Variants in VPS4B observed in about 807,000 individuals in gnomAD.
VPS4B encodes the protein vacuolar protein sorting-associated protein 4B.
A neutral mutation model predicts 56.1 loss-of-function variants in VPS4B; 23 were observed. That is an observed-to-expected ratio of 0.41 (90% CI 0.30 to 0.58). VPS4B has a LOEUF of 0.58. Ranked by LOEUF, VPS4B falls within the 20% of genes least tolerant of loss-of-function variation. The pLI is 0.29. For missense variants in VPS4B, 372 were observed against 531.9 expected (o/e 0.70, Z 2.96); for synonymous variants, 177 against 186.0 (o/e 0.95, Z 0.39).
intron 3 of VPS4B, among the ~76,000 whole-genome samples, chr18:63,409,324 C>T (rs1384042995): frequency 1.3e-5 from 2 of 152,208 alleles, no homozygotes; most frequent in African/African-American, 4.8e-5. Context: ...GTAGCAGCCA[C>T]GAAGCCCCAA....
intron 1 of VPS4B, among the ~76,000 whole-genome samples, chr18:63,421,331 T>C (rs1272074817): frequency 6.6e-6 from 1 of 152,186 alleles, no homozygotes; most frequent in African/African-American, 2.4e-5. Flanking sequence ...AGTTCTTCCA[T>C]TACCTTTGAT....
At chr18:63,399,765 G>T (rs1568085239) in intron 7 of VPS4B, among the ~76,000 whole-genome samples, 1 of 151,650 alleles carries the variant, frequency 6.6e-6, no homozygotes, top group Non-Finnish European at 1.5e-5. Flanking sequence ...ATGGCAAAAT[G>T]AAACAGTTTG....
At chr18:63,404,182 G>C (rs1915868893) in intron 4 of VPS4B, among the ~76,000 whole-genome samples, 1 of 152,046 alleles carries the variant, frequency 6.6e-6, no homozygotes, top group African/African-American at 2.4e-5. Context: ...CGTTCCATAA[G>C]GTGGTTATAT....
rs1916070510 is a variant in VPS4B, at chr18:63,412,692, CTTATT to C, written c.28-1119_28-1115del. ...AATGTAAAACTACAAAACTTTGATT[CTTATT>C]TATTTGTTGAGACGGGGCTCCATCT... On this transcript the variant is annotated intron_variant, in intron 1 of 10. Transcript: ENST00000238497. 2.0e-5 allele frequency among the ~76,000 whole-genome samples: 3 copies of C among 152,208 alleles called. No individual in the cohort carries two copies. The South Asian group carries it at 6.2e-4, about 32-fold the overall frequency.
At chr18:63,407,313 C>G in intron 4 of VPS4B, 119 bp downstream of exon 4, 1 of 898,942 alleles carries the variant, frequency 1.1e-6, no homozygotes, top group Non-Finnish European at 1.7e-6. Flanking sequence ...TATTGGGAAC[C>G]AAAGCCAGTT....
chr18:63,399,236 T>A lies in VPS4B; in HGVS notation c.872+6A>T. The A allele has an allele frequency of 6.2e-7, 1 of 1,610,080 alleles. No homozygotes were observed. Among genetic ancestry groups the A allele is most frequent in the Non-Finnish European group, 8.5e-7 (1 of 1,176,630 alleles). On this transcript the variant is annotated splice_donor_region_variant and intron_variant, in intron 8 of 10. Coordinates refer to ENST00000238497, the MANE Select transcript of VPS4B (RefSeq NM_004869.4). Reference sequence around the variant, plus strand: ...GAGAAATAAGATATTTACTATATTATCCTACCTTCGCCTAATGGCAGAATC... The same window carrying A: ...GAGAAATAAGATATTTACTATATTAACCTACCTTCGCCTAATGGCAGAATC...
At chr18:63,409,614 GT>G (rs1432278883) in intron 3 of VPS4B, among the ~76,000 whole-genome samples, 1 of 152,188 alleles carries the variant, frequency 6.6e-6, no homozygotes, top group Non-Finnish European at 1.5e-5. Context: ...CATATGTCAT[GT>G]ACTGAATAAA....
chr18:63,397,321 T>C (rs2144414129), intron 8 of VPS4B, 68 bp from the exon 9 acceptor site: 3 of 1,435,666 alleles, frequency 2.1e-6, no homozygotes, highest in Non-Finnish European at 2.8e-6. Context: ...AAGAAACAGA[T>C]ACTAAGTTAA....
chr18:63,404,896 C>T (rs1261638170), intron 4 of VPS4B, among the ~76,000 whole-genome samples: 2 of 152,048 alleles, frequency 1.3e-5, no homozygotes, highest in African/African-American at 4.8e-5. Flanking sequence ...AAACCATAAG[C>T]ATTTTGTATT....
At chr18:63,403,632 A>G in intron 5 of VPS4B, 75 bp downstream of exon 5, 1 of 1,415,208 alleles carries the variant, frequency 7.1e-7, no homozygotes, top group Non-Finnish European at 9.5e-7. Context: ...AGTGACAAGA[A>G]TGACAATGCT....
intron 1 of VPS4B, among the ~76,000 whole-genome samples, chr18:63,418,102 G>T (rs928205105): frequency 2.0e-5 from 3 of 152,014 alleles, no homozygotes; most frequent in Non-Finnish European, 4.4e-5. Context: ...TCCCTCAGCA[G>T]AAAAATGTGT....
In VPS4B at chr18:63,390,879, A is replaced by G. The variant is rs1915532931; in HGVS notation, c.*96T>C. 1 of 813,250 alleles carries G rather than the reference A, an allele frequency of 1.2e-6. No homozygotes were observed. The highest frequency in any genetic ancestry group is 2.0e-6 in the Non-Finnish European group (1 of 506,280). The allele number at this position is 813,250 out of a possible 1,614,324, so 50.4% of individuals were successfully genotyped here. The stretch of plus-strand genomic sequence containing the variant: ...GTGAGATGTGTATTTCCCTGTGGTA[A>G]AAGAGTTTTACTGGAAACAATTAAT... On this transcript the variant is annotated 3_prime_UTR_variant, in exon 11 of 11. Transcript: ENST00000238497.
At chr18:63,406,592 G>A (rs1375458118) in intron 4 of VPS4B, among the ~76,000 whole-genome samples, 1 of 152,136 alleles carries the variant, frequency 6.6e-6, no homozygotes. Flanking sequence ...AATTTATTTC[G>A]AAGAATAATC....
At chr18:63,403,629 A>C in intron 5 of VPS4B, 78 bp downstream of exon 5, 2 of 1,391,946 alleles carry the variant, frequency 1.4e-6, no homozygotes, top group Non-Finnish European at 1.9e-6. Context: ...ATTAGTGACA[A>C]GAATGACAAT....
At chr18:63,416,685 T>TA (rs1916172987) in intron 1 of VPS4B, among the ~76,000 whole-genome samples, 1 of 152,178 alleles carries the variant, frequency 6.6e-6, no homozygotes, top group South Asian at 2.1e-4. Context: ...AGAGCTGATC[T>TA]ACAAGGTCTG....
intron 4 of VPS4B, chr18:63,404,619 C>G (rs1231672721): frequency 6.6e-6 from 1 of 152,166 alleles, no homozygotes; most frequent in East Asian, 1.9e-4. Flanking sequence ...TTTTCTAGTT[C>G]TCTTTTATCA....
chr18:63,403,773 C>G lies in VPS4B; in HGVS notation c.418G>C (p.Glu140Gln), dbSNP rs766028023. ...NVKWSDVAGL[E>Q]GAKEALKEAV... Reference sequence around the variant, plus strand: ...TCTTTCAGTGCTTCTTTGGCTCCTTCAAGTCCAGCAACGTCACTCCATTTC... The same window carrying G: ...TCTTTCAGTGCTTCTTTGGCTCCTTGAAGTCCAGCAACGTCACTCCATTTC... The change falls in exon 5 of 11, where the codon GAA becomes CAA. Residue 140 changes from glutamate (E) to glutamine (Q), a missense_variant. By Grantham distance (29) the Glu-to-Gln change is conservative (BLOSUM62 2). Around this residue, in one of 3 missense-constraint regions of VPS4B, gnomAD observed 153 missense variants for 190.3 expected, o/e 0.80. Transcript: ENST00000238497. 26 of 1,613,464 alleles carry G rather than the reference C, an allele frequency of 1.6e-5. No homozygotes were observed. The highest frequency in any genetic ancestry group is 2.0e-5 in the Non-Finnish European group (24 of 1,179,646).
intron 4 of VPS4B, among the ~76,000 whole-genome samples, chr18:63,406,732 GC>G (rs1273816388): frequency 6.6e-6 from 1 of 152,216 alleles, no homozygotes; most frequent in South Asian, 2.1e-4. Context: ...AATCTTAAAA[GC>G]CCTGAAAGGA....
chr18:63,398,427 C>T (rs1915728851), intron 8 of VPS4B, among the ~76,000 whole-genome samples: 1 of 151,752 alleles, frequency 6.6e-6, no homozygotes, highest in Non-Finnish European at 1.5e-5. Context: ...ACCACGTTGC[C>T]CAGGGTGGTT....
Sources: allele counts gnomAD v4.1 joint callset (sites outside exome capture counted in the v4.1 genomes callset), GRCh38; gene constraint gnomAD v4.1.1; regional missense constraint gnomAD v4.1.1; transcripts MANE v1.5; gene names NCBI Gene and HGNC (gene_info 2026-07-23, HGNC 2026-07-21).